The following CDH18 variants were observed in gnomAD, a reference collection of about 807,000 sequenced individuals.
CDH18 encodes the protein cadherin 18, also known as cadherin-18.
CDH18 carries 31 observed loss-of-function variants against 67.9 expected under a neutral mutation model. The ratio of observed to expected loss-of-function variants is 0.46; its 90% CI spans 0.34 to 0.62. CDH18 has a LOEUF of 0.62. CDH18 is among the 20% of genes least tolerant of loss of function. The pLI, the probability that CDH18 is intolerant of heterozygous loss-of-function variation, is 0.01. For missense variants in CDH18, 890 were observed against 975.5 expected, an observed-to-expected ratio of 0.91 and a Z score of 1.17; for synonymous variants, 362 against 347.2, an observed-to-expected ratio of 1.04 and a Z score of -0.48.
At chr5:19,814,441 TTGCAA>T (rs1446681602) in intron 3 of CDH18, among the ~76,000 whole-genome samples, 3 of 152,040 alleles carry the variant, frequency 2.0e-5, no homozygotes, top group Non-Finnish European at 4.4e-5. Context: ...CCTGGCACTA[TTGCAA>T]TTTTGGACTG....
intron 2 of CDH18, among the ~76,000 whole-genome samples, chr5:19,869,727 C>T (rs1786014901): frequency 6.6e-6 from 1 of 152,012 alleles, no homozygotes; most frequent in Admixed American, 6.6e-5. Flanking sequence ...TGTTATTAGA[C>T]AATGCTATAT....
intron 2 of CDH18, among the ~76,000 whole-genome samples, chr5:20,006,210 G>C (rs1387335723): frequency 6.6e-6 from 1 of 151,756 alleles, no homozygotes; most frequent in Non-Finnish European, 1.5e-5. Flanking sequence ...AACCATAAAG[G>C]CATAGACTAG....
At chr5:20,308,109 G>A (rs1304283588) in intron 1 of CDH18, among the ~76,000 whole-genome samples, 1 of 98,636 alleles carries the variant, frequency 1.0e-5, no homozygotes, top group African/African-American at 4.8e-5. Context: ...TTTTTTACTG[G>A]TTTTCAACCC....
chr5:20,487,307 C>CAT (rs1016724327), intron 1 of CDH18, among the ~76,000 whole-genome samples: 2 of 150,358 alleles, frequency 1.3e-5, no homozygotes, highest in African/African-American at 4.9e-5. Context: ...ATGTTTTATC[C>CAT]ATATATATAT....
chr5:20,015,433 A>G (rs1442947924), intron 2 of CDH18, among the ~76,000 whole-genome samples: 4 of 152,156 alleles, frequency 2.6e-5, no homozygotes, highest in Non-Finnish European at 5.9e-5. Context: ...GCGGTTATGC[A>G]TAAGAGTCAA....
Position 20,464,436 on chromosome 5 carries a change from C to A in CDH18, c.-580+111026G>T, listed in dbSNP as rs1303800812. 2.7e-5 allele frequency among the ~76,000 whole-genome samples: 4 copies of A among 148,876 alleles called. No homozygotes were observed. The East Asian group carries it at 7.9e-4, about 30-fold the overall frequency. On this transcript the variant is annotated intron_variant, in intron 1 of 14. Transcript: ENST00000507958. Reference sequence around the variant, plus strand: ...TTCTTGGAAATAGTAAGATTTTGTTCATTGAGAATTTGTACCAAATGCTCT... The same window carrying A: ...TTCTTGGAAATAGTAAGATTTTGTTAATTGAGAATTTGTACCAAATGCTCT...
At chr5:20,022,893 C>T (rs1428251446) in intron 2 of CDH18, among the ~76,000 whole-genome samples, 1 of 152,106 alleles carries the variant, frequency 6.6e-6, no homozygotes, top group East Asian at 1.9e-4. Context: ...CACTACCTTC[C>T]TGCATTTTTA....
intron 1 of CDH18, among the ~76,000 whole-genome samples, chr5:20,562,957 C>T (rs563962363): frequency 6.6e-6 from 1 of 150,450 alleles, no homozygotes; most frequent in Admixed American, 6.6e-5. Context: ...AATGTCAATT[C>T]TACTGGCATA....
Position 20,503,458 on chromosome 5 carries a change from C to T in CDH18, c.-580+72004G>A, listed in dbSNP as rs554474832. On this transcript the variant is annotated intron_variant, in intron 1 of 14. Coordinates refer to the CDH18 transcript ENST00000507958. ...ATTAATCCCTATGAGTTATCAGTCA[C>T]AGAGTTAATCATTGAGTTGATATCA... 3.3e-5 allele frequency among the ~76,000 whole-genome samples: 5 copies of T among 152,210 alleles called. No individual in the cohort carries two copies. The South Asian group carries it at 1.0e-3, about 32-fold the overall frequency.
At chr5:19,604,872 A>G (rs1747779536) in intron 6 of CDH18, among the ~76,000 whole-genome samples, 1 of 151,934 alleles carries the variant, frequency 6.6e-6, no homozygotes, top group African/African-American at 2.4e-5. Context: ...CAAGTATTAT[A>G]GTGGAACACT....
At chr5:19,951,847 T>C (rs1034809505) in intron 2 of CDH18, among the ~76,000 whole-genome samples, 1 of 152,128 alleles carries the variant, frequency 6.6e-6, no homozygotes, top group Non-Finnish European at 1.5e-5. Context: ...GTTATAAATA[T>C]TTAGGAATCT....
At chr5:19,771,295 A>C (rs1201759072) in intron 3 of CDH18, among the ~76,000 whole-genome samples, 1 of 152,182 alleles carries the variant, frequency 6.6e-6, no homozygotes, top group African/African-American at 2.4e-5. Context: ...TTATAAAATG[A>C]TATTGGCTTC....
At position 19,473,468 on chromosome 5, in the gene CDH18, C is replaced by T; in HGVS notation, c.2131G>A (p.Asp711Asn). The T allele has an allele frequency of 3.1e-6, 5 of 1,613,846 alleles. No homozygotes were observed. The highest frequency in any genetic ancestry group is 4.2e-6 in the Non-Finnish European group (5 of 1,179,892). ...HQTSSTLESI[D>N]VQEFIKQRLA... ...CTTTGCTTAATAAATTCCTGAACAT[C>T]TATGCTTTCCAGGGTGGATGATGTC... The change falls in exon 13 of 13, where the codon GAT (aspartate) becomes AAT (asparagine). Residue 711 changes from aspartate (D) to asparagine (N), a missense_variant. Around this residue, in one of 2 missense-constraint regions of CDH18, gnomAD observed 656 missense variants for 668.1 expected, o/e 0.98. Transcript: ENST00000382275.
At chr5:20,344,526 C>A (rs1041316774) in intron 1 of CDH18, among the ~76,000 whole-genome samples, 2 of 151,434 alleles carry the variant, frequency 1.3e-5, no homozygotes, top group Non-Finnish European at 2.9e-5. Context: ...ATAAGTACTC[C>A]CAGAGCAATA....
At chr5:20,429,942 G>A (rs1296612806) in intron 1 of CDH18, among the ~76,000 whole-genome samples, 1 of 152,022 alleles carries the variant, frequency 6.6e-6, no homozygotes, top group Admixed American at 6.6e-5. Flanking sequence ...TTCTTATAGT[G>A]ATATTTTTGA....
intron 1 of CDH18, among the ~76,000 whole-genome samples, chr5:20,281,662 T>C (rs980014187): frequency 7.2e-5 from 11 of 152,192 alleles, no homozygotes; most frequent in African/African-American, 2.4e-4. Context: ...GCTTTGTTCT[T>C]TTAGCTTAGG....
At chr5:20,204,812 C>T (rs1739751429) in intron 2 of CDH18, among the ~76,000 whole-genome samples, 1 of 151,126 alleles carries the variant, frequency 6.6e-6, no homozygotes, top group Non-Finnish European at 1.5e-5. Context: ...TCTCTTTGTT[C>T]CTATTCTTTT....
intron 2 of CDH18, among the ~76,000 whole-genome samples, chr5:20,161,552 C>A (rs1481781348): frequency 6.6e-6 from 1 of 152,176 alleles, no homozygotes; most frequent in Non-Finnish European, 1.5e-5. Context: ...TCCGTAATAT[C>A]CAAATGCAGC....
Position 20,333,528 on chromosome 5 carries a change from TACACACACACAC to T in CDH18, c.-579-78035_-579-78024del, listed in dbSNP as rs10658368. On this transcript the variant is annotated intron_variant, in intron 1 of 14. Coordinates refer to the CDH18 transcript ENST00000507958. ...CTCAAAAAAAAAAAAACAATATATA[TACACACACACAC>T]ACACACACACATATATGTATATATA... Among the ~76,000 whole-genome samples the T allele has an allele frequency of 2.8e-4, 38 of 136,848 alleles. No homozygotes were observed. The South Asian group carries it at 8.0e-3, about 29-fold the overall frequency. The allele number at this position is 136,848 out of a possible 152,430, so 89.8% of individuals were successfully genotyped here.
Sources: allele counts gnomAD v4.1 joint callset (sites outside exome capture counted in the v4.1 genomes callset), GRCh38; gene constraint gnomAD v4.1.1; regional missense constraint gnomAD v4.1.1; transcripts MANE v1.5; gene names NCBI Gene and HGNC (gene_info 2026-07-23, HGNC 2026-07-21).